The following SAMD4A variants were observed in gnomAD, a reference collection of about 807,000 sequenced individuals.
SAMD4A encodes the protein protein Smaug homolog 1.
In SAMD4A, 33 loss-of-function variants were observed where a neutral mutation model predicts 81.3. That is an observed-to-expected ratio of 0.41 (90% confidence interval 0.31 to 0.54). The LOEUF is 0.54. SAMD4A is among the 20% of genes least tolerant of loss of function. The pLI is 0.37. For synonymous variants in SAMD4A, 389 were observed against 382.1 expected, an observed-to-expected ratio of 1.02 and a Z score of -0.21; for missense variants, 854 against 951.1, an observed-to-expected ratio of 0.90 and a Z score of 1.34.
chr14:54,603,367 T>C (rs1305027654), intron 2 of SAMD4A, among the ~76,000 whole-genome samples: 1 of 152,244 alleles, frequency 6.6e-6, no homozygotes, highest in Non-Finnish European at 1.5e-5. Flanking sequence ...GTAGACTCTG[T>C]ATAATTTAGG....
At chr14:54,613,159 A>AG (rs757812351) in intron 2 of SAMD4A, among the ~76,000 whole-genome samples, 4 of 149,958 alleles carry the variant, frequency 2.7e-5, no homozygotes, top group Non-Finnish European at 4.5e-5. Flanking sequence ...GAAGGAAGGA[A>AG]GAGGGAAAGG....
chr14:54,766,808 G>A (rs539417340), intron 8 of SAMD4A, among the ~76,000 whole-genome samples: 4 of 152,174 alleles, frequency 2.6e-5, no homozygotes, highest in Non-Finnish European at 2.9e-5. Flanking sequence ...CAGAAATCGT[G>A]AGTCCTCCAG....
intron 2 of SAMD4A, among the ~76,000 whole-genome samples, chr14:54,611,842 A>C (rs1566546885): frequency 6.6e-6 from 1 of 151,662 alleles, no homozygotes; most frequent in Non-Finnish European, 1.5e-5. Flanking sequence ...GCGCCACTGC[A>C]TTTCAGCCTG....
At chr14:54,592,412 A>G (rs1220521007) in intron 2 of SAMD4A, among the ~76,000 whole-genome samples, 2 of 151,848 alleles carry the variant, frequency 1.3e-5, no homozygotes, top group Admixed American at 1.3e-4. Flanking sequence ...CCTGTCTATC[A>G]TTTTGCTTAT....
intron 4 of SAMD4A, among the ~76,000 whole-genome samples, chr14:54,741,011 T>C (rs1205173811): frequency 6.6e-6 from 1 of 152,232 alleles, no homozygotes; most frequent in African/African-American, 2.4e-5. Flanking sequence ...GGAACTTTCT[T>C]CCCTTTACCC....
chr14:54,713,521 G>C (rs752003904), intron 3 of SAMD4A, among the ~76,000 whole-genome samples: 1 of 152,166 alleles, frequency 6.6e-6, no homozygotes, highest in Non-Finnish European at 1.5e-5. Context: ...ACATACTCCA[G>C]GGTAGTCATT....
intron 9 of SAMD4A, among the ~76,000 whole-genome samples, chr14:54,773,709 C>T (rs1018691949): frequency 2.6e-5 from 4 of 152,360 alleles, no homozygotes; most frequent in Admixed American, 2.6e-4. Flanking sequence ...GAAGTGAAGG[C>T]AGTCTGTGTC....
At chr14:54,694,549 A>G (rs2036531255) in intron 2 of SAMD4A, 2 of 810,910 alleles carry the variant, frequency 2.5e-6, no homozygotes, top group Non-Finnish European at 3.0e-6. Flanking sequence ...GAGAGGGTGC[A>G]GTTGGAGTGT....
rs183624573 is a variant in SAMD4A, at chr14:54,755,706, A to G, written c.1176+4169A>G. Among the ~76,000 whole-genome samples the G allele has an allele frequency of 1.9e-3, 295 of 152,294 alleles. 1 individual carries two copies. Among genetic ancestry groups the G allele is most frequent in the Non-Finnish European group, 2.2e-3 (150 of 68,012 alleles). ...GAAGCCTGTAAACCAGTTGGTGTGA[A>G]TGGGTGAGGGGCCATGGGGTACAGA... On this transcript the variant is annotated intron_variant, in intron 6 of 12. Transcript: ENST00000554335.
intron 3 of SAMD4A, among the ~76,000 whole-genome samples, chr14:54,720,746 A>G (rs968719552): frequency 6.6e-6 from 1 of 152,110 alleles, no homozygotes; most frequent in African/African-American, 2.4e-5. Flanking sequence ...ATGCAAAAAC[A>G]GGTTGTCTAT....
chr14:54,652,103 G>A (rs1357942161), intron 2 of SAMD4A, among the ~76,000 whole-genome samples: 1 of 152,220 alleles, frequency 6.6e-6, no homozygotes, highest in East Asian at 1.9e-4. Flanking sequence ...CCTAGCCCAT[G>A]CTTAAGCCTT....
chr14:54,777,248 A>G (rs2038878997), intron 11 of SAMD4A, among the ~76,000 whole-genome samples: 2 of 146,106 alleles, frequency 1.4e-5, no homozygotes, highest in Non-Finnish European at 1.5e-5. Flanking sequence ...GATGTGTTGT[A>G]CCTGTAGGAA....
intron 2 of SAMD4A, among the ~76,000 whole-genome samples, chr14:54,700,849 G>A (rs1566592446): frequency 6.6e-6 from 1 of 152,244 alleles, no homozygotes; most frequent in East Asian, 1.9e-4. Context: ...TATGCTCAGT[G>A]AAGTAAGGCA....
intron 2 of SAMD4A, among the ~76,000 whole-genome samples, chr14:54,576,545 G>A (rs916096016): frequency 2.0e-5 from 3 of 152,222 alleles, no homozygotes; most frequent in African/African-American, 7.2e-5. Context: ...ATCTATGAGC[G>A]TATGGATGAA....
intron 2 of SAMD4A, among the ~76,000 whole-genome samples, chr14:54,597,402 G>A (rs1220109327): frequency 4.6e-5 from 7 of 151,736 alleles, no homozygotes; most frequent in Admixed American, 1.3e-4. Flanking sequence ...AGCCTCCTGA[G>A]TAGCTGGGAT....
intron 4 of SAMD4A, among the ~76,000 whole-genome samples, chr14:54,748,223 A>G (rs2038014531): frequency 1.3e-5 from 2 of 152,216 alleles, no homozygotes; most frequent in African/African-American, 2.4e-5. Flanking sequence ...ATTCAGGTAT[A>G]TATAGGGAGG....
At chr14:54,741,858 A>G (rs2037851403) in intron 4 of SAMD4A, among the ~76,000 whole-genome samples, 1 of 152,156 alleles carries the variant, frequency 6.6e-6, no homozygotes, top group Non-Finnish European at 1.5e-5. Context: ...TGCTTGACCA[A>G]GTGGATCCCA....
chr14:54,678,859 G>A (rs898298919), intron 2 of SAMD4A, among the ~76,000 whole-genome samples: 1 of 152,170 alleles, frequency 6.6e-6, no homozygotes, highest in African/African-American at 2.4e-5. Context: ...GATCTTTAGG[G>A]AAAGCATGGA....
intron 2 of SAMD4A, among the ~76,000 whole-genome samples, chr14:54,627,100 A>G (rs1049700109): frequency 1.3e-5 from 2 of 152,246 alleles, no homozygotes; most frequent in African/African-American, 2.4e-5. Context: ...TTACATAACT[A>G]TAACTCAACT....
Sources: gnomAD v4.1 joint callset for allele counts (sites outside exome capture counted in the v4.1 genomes callset) on GRCh38, gnomAD v4.1.1 for gene constraint, MANE v1.5 for transcripts, NCBI Gene and HGNC (gene_info 2026-07-23, HGNC 2026-07-21) for gene names.